Variants in RAB23 observed in about 807,000 individuals in gnomAD.
RAB23 encodes ras-related protein Rab-23.
Under a neutral mutation model 30.0 loss-of-function variants are expected in RAB23, and 15 were observed. That is an observed-to-expected ratio of 0.50 (90% CI 0.33 to 0.77). RAB23 has a LOEUF of 0.77. Among genes scored for constraint, RAB23 ranks in the 30% least tolerant of loss-of-function variants. The pLI is 0.02. For missense variants in RAB23, 243 were observed against 275.4 expected (o/e 0.88, Z 0.83); for synonymous variants, 93 against 94.0 (o/e 0.99, Z 0.06).
At chr6:57,207,487 T>A (rs911810120) in intron 3 of RAB23, 141 bp downstream of exon 3, 2 of 623,792 alleles carry the variant, frequency 3.2e-6, no homozygotes, top group Non-Finnish European at 5.6e-6. Context: ...AATAATGAAC[T>A]GGGGTTTTAA....
At chr6:57,195,798 GC>G (rs1339084725) in intron 4 of RAB23, among the ~76,000 whole-genome samples, 1 of 152,124 alleles carries the variant, frequency 6.6e-6, no homozygotes, top group Non-Finnish European at 1.5e-5. Flanking sequence ...CACCAGCTAA[GC>G]CATTCTCAAA....
chr6:57,210,375 CA>C lies in RAB23; in HGVS notation c.5del (p.Leu2TrpfsTer9), dbSNP rs1593223920. Reference sequence around the variant, plus strand: ...TTATGGCGACTTCCATATCTTCCTCCAACATTTTTGGAGCTGAAATGGTTTC... The same window carrying C: ...TTATGGCGACTTCCATATCTTCCTCCACATTTTTGGAGCTGAAATGGTTTC... M[L>X]EEDMEVAIKM... On this transcript the variant is annotated frameshift_variant, in exon 2 of 7. Transcript: ENST00000468148. LOFTEE classifies it high-confidence loss of function. The C allele has an allele frequency of 1.9e-6, 3 of 1,614,058 alleles. No homozygotes were observed. The highest frequency in any genetic ancestry group is 2.5e-6 in the Non-Finnish European group (3 of 1,179,966).
At chr6:57,217,168 A>G (rs1765872926) in intron 1 of RAB23, among the ~76,000 whole-genome samples, 1 of 151,772 alleles carries the variant, frequency 6.6e-6, no homozygotes, top group Admixed American at 6.6e-5. Context: ...AAAAGCACAC[A>G]CTTTTCAAAT....
At chr6:57,205,211 TAA>T (rs1197759819) in intron 3 of RAB23, among the ~76,000 whole-genome samples, 2 of 151,522 alleles carry the variant, frequency 1.3e-5, no homozygotes, top group East Asian at 3.9e-4. Context: ...ACACATATAT[TAA>T]GTGTGTGTAT....
Position 57,188,745 on chromosome 6 carries a change from A to T in RAB23, c.*1716T>A, listed in dbSNP as rs897689718. On this transcript the variant is annotated 3_prime_UTR_variant, in exon 7 of 7. Coordinates refer to ENST00000468148, the MANE Select transcript of RAB23 (RefSeq NM_016277.5). ...AGCATTTTACATTACTGTGAAATAG[A>T]TAATGCCAGATCATTTCAATATAAT... The T allele has an allele frequency of 6.6e-6, 1 of 152,220 alleles. No homozygotes were observed. The highest frequency in any genetic ancestry group is 1.5e-5 in the Non-Finnish European group (1 of 68,032). 9.4% of individuals were successfully genotyped at this position (152,220 alleles called of 1,614,324 possible).
chr6:57,214,914 G>C (rs534737573), intron 1 of RAB23, among the ~76,000 whole-genome samples: 47 of 152,248 alleles, frequency 3.1e-4, no homozygotes, highest in African/African-American at 9.6e-4. Context: ...TTAACTGGCA[G>C]TCAATGAGCA....
Position 57,219,302 on chromosome 6 carries a change from A to T in RAB23, c.-66+2424T>A, listed in dbSNP as rs139292655. On this transcript the variant is annotated intron_variant, in intron 1 of 6. Coordinates refer to ENST00000468148, the MANE Select transcript of RAB23 (RefSeq NM_016277.5). ...AAACATGTACACAATCTGTATGCTGAAAACTACAAAACACTAAACAAATCA... is the reference window on the plus strand; with the variant it reads ...AAACATGTACACAATCTGTATGCTGTAAACTACAAAACACTAAACAAATCA... Among the ~76,000 whole-genome samples, 141 of 152,380 alleles carry T rather than the reference A, an allele frequency of 9.3e-4. No homozygotes were observed. The East Asian group carries it at 0.017, about 19-fold the overall frequency.
intron 6 of RAB23, among the ~76,000 whole-genome samples, chr6:57,191,029 C>G (rs897408589): frequency 3.9e-5 from 6 of 152,152 alleles, no homozygotes; most frequent in Non-Finnish European, 8.8e-5. Context: ...GTTCATCCAA[C>G]GTAGAACACT....
intron 6 of RAB23, 61 bp downstream of exon 6, chr6:57,193,781 T>C: frequency 1.9e-6 from 3 of 1,581,100 alleles, no homozygotes; most frequent in Non-Finnish European, 2.6e-6. Flanking sequence ...GAAATGAGCA[T>C]ATTATATGTG....
intron 2 of RAB23, among the ~76,000 whole-genome samples, chr6:57,207,937 T>C (rs955786463): frequency 9.9e-5 from 15 of 152,168 alleles, no homozygotes; most frequent in African/African-American, 3.6e-4. Context: ...ATTAAACCAC[T>C]GTAAATTCAA....
chr6:57,208,420 G>A (rs751442055), intron 2 of RAB23, among the ~76,000 whole-genome samples: 1 of 151,992 alleles, frequency 6.6e-6, no homozygotes, highest in African/African-American at 2.4e-5. Flanking sequence ...GCCAAAGTGG[G>A]CGGATCACTT....
At chr6:57,198,947 G>C (rs1379236965) in intron 3 of RAB23, among the ~76,000 whole-genome samples, 1 of 152,200 alleles carries the variant, frequency 6.6e-6, no homozygotes, top group African/African-American at 2.4e-5. Context: ...CCAAAAGAAA[G>C]TATGTCCATA....
chr6:57,197,374 T>G (rs936944872), intron 3 of RAB23, among the ~76,000 whole-genome samples: 1 of 152,118 alleles, frequency 6.6e-6, no homozygotes. Flanking sequence ...AGCAGAAACC[T>G]CTTAGAAGAA....
rs184310550 is a variant in RAB23 at position 57,194,742 on chromosome 6, C to T, written c.481+28G>A. Reference sequence around the variant, plus strand: ...AGCGCAAGAATAAAATTTCTTTTTGCAATCTATATCCTTTAAAGGTAATTT... The same window carrying T: ...AGCGCAAGAATAAAATTTCTTTTTGTAATCTATATCCTTTAAAGGTAATTT... On this transcript the variant is annotated intron_variant, in intron 5 of 6. Transcript: ENST00000468148. The T allele has an allele frequency of 2.0e-5, 30 of 1,493,912 alleles. No individual in the cohort carries two copies. The East Asian group carries it at 5.2e-4, about 26-fold the overall frequency. 92.5% of individuals were successfully genotyped at this position (1,493,912 alleles called of 1,614,324 possible). A position where few individuals can be genotyped will look rare whatever the true frequency, so the allele number is the denominator to read the frequency against.
intron 1 of RAB23, among the ~76,000 whole-genome samples, chr6:57,219,073 G>A (rs1311334986): frequency 1.3e-5 from 2 of 152,104 alleles, no homozygotes; most frequent in South Asian, 2.1e-4. Flanking sequence ...GATTATCTCT[G>A]TAGAAAAACC....
intron 3 of RAB23, among the ~76,000 whole-genome samples, chr6:57,207,040 G>T (rs1435296865): frequency 6.6e-6 from 1 of 152,090 alleles, no homozygotes. Context: ...CACTGAAAAT[G>T]GTGTTTTAAA....
In RAB23 at chr6:57,209,477, TA is replaced by T. The variant is rs541095511; in HGVS notation, c.155+748del. 5.9e-5 allele frequency among the ~76,000 whole-genome samples: 9 copies of T among 152,296 alleles called. No individual in the cohort carries two copies. In the South Asian group the frequency reaches 1.9e-3, roughly 32 times the overall value. ...GAGGAAGCAAATATGGAAATACTTT[TA>T]AAAAGAAAGTAATAGAATACAGACT... On this transcript the variant is annotated intron_variant, in intron 2 of 6. Transcript: ENST00000468148.
At chr6:57,192,822 C>T (rs557643031) in intron 6 of RAB23, among the ~76,000 whole-genome samples, 176 of 151,958 alleles carry the variant, frequency 1.2e-3, no homozygotes, top group Non-Finnish European at 1.7e-3. Flanking sequence ...AATTGTTCTT[C>T]GACAGAAGAT....
intron 5 of RAB23, among the ~76,000 whole-genome samples, chr6:57,194,137 T>C (rs1314621643): frequency 1.3e-5 from 2 of 152,128 alleles, no homozygotes; most frequent in Non-Finnish European, 2.9e-5. Flanking sequence ...TGTATAATGG[T>C]ATTTTATTAG....
Sources: allele counts gnomAD v4.1 joint callset (sites outside exome capture counted in the v4.1 genomes callset), GRCh38; gene constraint gnomAD v4.1.1; transcripts MANE v1.5; gene names NCBI Gene and HGNC (gene_info 2026-07-23, HGNC 2026-07-21).